Variants in LHPP observed in about 807,000 individuals in gnomAD.
LHPP encodes the protein hLHPP.
A neutral mutation model predicts 30.3 loss-of-function variants in LHPP; 24 were observed. The ratio of observed to expected loss-of-function variants is 0.79; its 90% CI spans 0.57 to 1.11. The LOEUF is 1.11. Ranked by LOEUF, LHPP falls within the 50% of genes most tolerant of loss-of-function variation. LHPP has a pLI of 0.00. For missense variants in LHPP, 356 were observed against 367.2 expected (o/e 0.97, Z 0.25); for synonymous variants, 150 against 157.1 (o/e 0.95, Z 0.34).
In LHPP at chr10:124,590,463, C is replaced by G. The variant is rs920382356; in HGVS notation, c.717-22801C>G. Among the ~76,000 whole-genome samples, 1 of 152,106 alleles carries G rather than the reference C, an allele frequency of 6.6e-6. No individual in the cohort carries two copies. The highest frequency in any genetic ancestry group is 1.5e-5 in the Non-Finnish European group (1 of 68,014). On this transcript the variant is annotated intron_variant, in intron 6 of 6. Coordinates refer to ENST00000368842, the MANE Select transcript of LHPP (RefSeq NM_022126.4). This position sits in a 1 kb window ranked among gnomAD's most constrained non-coding sequence, Gnocchi z 4.3. ...CAGGCGTGGGCGATGGTGAGCAACTCCAGGCTACCCCGAGAAAGCCGCTGT... is the reference window on the plus strand; with the variant it reads ...CAGGCGTGGGCGATGGTGAGCAACTGCAGGCTACCCCGAGAAAGCCGCTGT...
In LHPP at chr10:124,517,238, T is replaced by C. The variant is rs761370658; in HGVS notation, c.683T>C (p.Met228Thr). Reference protein sequence around the residue: ...GDVGGAQRCGMRALQVRTGKF... With the variant: ...GDVGGAQRCGTRALQVRTGKF... ...GTCGGCGGTGCCCAGCGGTGTGGAA[T>C]GAGAGCGCTGCAGGTGCGCACCGGG... Residue 228 changes from methionine (M) to threonine (T), a missense_variant, in exon 6 of 7, where the codon ATG (methionine) becomes ACG (threonine). Met to Thr is a moderately conservative substitution (Grantham distance 81). Transcript: ENST00000368842. This position sits in a 1 kb window ranked among gnomAD's most constrained non-coding sequence, Gnocchi z 4.1. The C allele has an allele frequency of 6.2e-7, 1 of 1,605,462 alleles. No individual in the cohort carries two copies. Among genetic ancestry groups the C allele is most frequent in the Admixed American group, 1.7e-5 (1 of 58,522 alleles).
intron 3 of LHPP, among the ~76,000 whole-genome samples, chr10:124,491,413 C>A (rs1014860576): frequency 1.3e-5 from 2 of 152,272 alleles, no homozygotes; most frequent in Non-Finnish European, 2.9e-5. Context: ...CTTTGTGTAC[C>A]CCGTTTTGTG....
At chr10:124,598,354 C>T (rs957677068) in intron 6 of LHPP, among the ~76,000 whole-genome samples, 6 of 152,246 alleles carry the variant, frequency 3.9e-5, no homozygotes, top group Non-Finnish European at 8.8e-5. Context: ...AGCCGCTACA[C>T]AGGTGCCTCT....
At chr10:124,538,363 G>A (rs1464466284) in intron 6 of LHPP, among the ~76,000 whole-genome samples, 1 of 152,238 alleles carries the variant, frequency 6.6e-6, no homozygotes, top group Non-Finnish European at 1.5e-5. Flanking sequence ...TCTCCTGGGT[G>A]CCTTCTCTCA....
At chr10:124,549,746 C>T (rs566939182) in intron 6 of LHPP, among the ~76,000 whole-genome samples, 62 of 151,852 alleles carry the variant, frequency 4.1e-4, no homozygotes, top group African/African-American at 6.3e-4. Context: ...TGGGCATGGC[C>T]GGGGTGGGCA....
At chr10:124,577,805 G>A (rs11591738) in intron 6 of LHPP, among the ~76,000 whole-genome samples, 14,035 of 130,720 alleles carry the variant, frequency 0.11, 752 homozygotes, top group Admixed American at 0.19. Context: ...CACTCTGGCA[G>A]CATTGGGACT....
chr10:124,486,593 T>C (rs1490788857), intron 2 of LHPP, among the ~76,000 whole-genome samples: 1 of 152,268 alleles, frequency 6.6e-6, no homozygotes, highest in Non-Finnish European at 1.5e-5. Context: ...CACTTGATTC[T>C]CCCAGCGATG....
chr10:124,584,033 T>G (rs568983397), intron 6 of LHPP, among the ~76,000 whole-genome samples: 4 of 152,278 alleles, frequency 2.6e-5, no homozygotes, highest in African/African-American at 9.6e-5. Flanking sequence ...AGATTCAGCT[T>G]GTCAATTTCA....
At chr10:124,585,032 G>T (rs59742865) in intron 6 of LHPP, among the ~76,000 whole-genome samples, 7,220 of 151,960 alleles carry the variant, frequency 0.048, 523 homozygotes, top group African/African-American at 0.16. Context: ...TTTAGATTTG[G>T]GTCCCATCCC....
At chr10:124,505,912 C>G (rs1268024446) in intron 5 of LHPP, among the ~76,000 whole-genome samples, 2 of 152,092 alleles carry the variant, frequency 1.3e-5, no homozygotes, top group Non-Finnish European at 2.9e-5. Context: ...GATGAAACAC[C>G]TTGTCATAGG....
chr10:124,554,147 T>C, intron 6 of LHPP: 5 of 730,734 alleles, frequency 6.8e-6, no homozygotes, highest in Non-Finnish European at 6.7e-6. Context: ...GTAGAGGTTT[T>C]TCAACCTAAG....
At chr10:124,529,134 C>T (rs989176694) in intron 6 of LHPP, among the ~76,000 whole-genome samples, 6 of 148,230 alleles carry the variant, frequency 4.0e-5, no homozygotes, top group African/African-American at 1.5e-4. Flanking sequence ...CGGGTTCATG[C>T]CATTCTCCTG....
intron 6 of LHPP, among the ~76,000 whole-genome samples, chr10:124,594,329 C>CAAAAAAAAAAA (rs71026102): frequency 1.3e-5 from 1 of 75,344 alleles, no homozygotes; most frequent in Admixed American, 1.7e-4. Context: ...GACTCCATCT[C>CAAAAAAAAAAA]AAAAAAAAAA....
In LHPP at chr10:124,496,781, G is replaced by T. The variant is rs1186823792; in HGVS notation, c.468-180G>T. On this transcript the variant is annotated intron_variant, in intron 3 of 6. Transcript: ENST00000368842. The surrounding 1 kb of genome is among the most constrained non-coding windows in gnomAD (Gnocchi z 4.3). ...GCCCCACTGGGTGTGGCGGCCTGCC[G>T]CCCGGCTCTGTGGTGCTGGTCCCCT... Among the ~76,000 whole-genome samples, 5 of 152,240 alleles carry T rather than the reference G, an allele frequency of 3.3e-5. No homozygotes were observed. The South Asian group carries it at 6.2e-4, about 19-fold the overall frequency.
chr10:124,577,355 A>G (rs1026151534), intron 6 of LHPP, among the ~76,000 whole-genome samples: 6 of 148,404 alleles, frequency 4.0e-5, no homozygotes, highest in Non-Finnish European at 9.0e-5. Flanking sequence ...GCCTTTTCCC[A>G]TCTAACCTTT....
chr10:124,592,448 G>A lies in LHPP; in HGVS notation c.717-20816G>A, dbSNP rs941937071. 2.6e-5 allele frequency among the ~76,000 whole-genome samples: 4 copies of A among 152,320 alleles called. No individual in the cohort carries two copies. The highest frequency in any genetic ancestry group is 2.1e-4 in the South Asian group (1 of 4,832). On this transcript the variant is annotated intron_variant, in intron 6 of 6. Coordinates refer to ENST00000368842, the MANE Select transcript of LHPP (RefSeq NM_022126.4). This position sits in a 1 kb window ranked among gnomAD's most constrained non-coding sequence, Gnocchi z 6.2. ...ATGATGAGACCCTGAGGTCACTGGC[G>A]GGGAAAATGAGTCACTGGGGCATTC... is the stretch of plus-strand genomic sequence containing the variant.
intron 6 of LHPP, among the ~76,000 whole-genome samples, chr10:124,575,748 G>A (rs565983685): frequency 1.2e-4 from 18 of 152,230 alleles, no homozygotes; most frequent in Non-Finnish European, 2.2e-4. Context: ...TCACGTGGTC[G>A]GATCTGTGTC....
rs1050390316 is a variant in LHPP at position 124,461,833 on chromosome 10, A to T, written c.-30A>T. 4.1e-6 allele frequency: 5 copies of T among 1,228,406 alleles called. No homozygotes were observed. Among genetic ancestry groups the T allele is most frequent in the African/African-American group, 1.6e-5 (1 of 64,082 alleles). 76.1% of individuals were successfully genotyped at this position (1,228,406 alleles called of 1,614,324 possible). A position where few individuals can be genotyped will look rare whatever the true frequency, so the allele number is the denominator to read the frequency against. ...GGCGCCGGCGCCGGCGTCGGTTGGG[A>T]CGCGGAGCTGAGGAGCAGGGCCGGG... On this transcript the variant is annotated 5_prime_UTR_variant, in exon 1 of 7. Coordinates refer to ENST00000368842, the MANE Select transcript of LHPP (RefSeq NM_022126.4).
chr10:124,467,096 C>T (rs1315150928), intron 1 of LHPP, among the ~76,000 whole-genome samples: 1 of 151,382 alleles, frequency 6.6e-6, no homozygotes, highest in Admixed American at 6.6e-5. Flanking sequence ...TGCACTCCAG[C>T]CTGGGTGACA....
Sources: gnomAD v4.1 joint callset for allele counts (sites outside exome capture counted in the v4.1 genomes callset) on GRCh38, gnomAD v4.1.1 for gene constraint, Gnocchi (gnomAD v3.1) non-coding constraint, MANE v1.5 for transcripts, NCBI Gene and HGNC (gene_info 2026-07-23, HGNC 2026-07-21) for gene names.